TYK2: variants seen among roughly 807,000 people sequenced by gnomAD.
The protein encoded by TYK2 is non-receptor tyrosine-protein kinase TYK2.
A neutral mutation model predicts 130.9 loss-of-function variants in TYK2; 65 were observed. The observed-to-expected ratio is 0.50, with a 90% CI of 0.41 to 0.61. TYK2 has a LOEUF of 0.61. Among genes scored for constraint, TYK2 ranks in the 20% least tolerant of loss-of-function variants. The probability of loss-of-function intolerance (pLI) is 0.00; values close to 1 mark genes in which losing one functional copy is unlikely to be tolerated. For missense variants in TYK2, 1,378 were observed against 1,610.7 expected (o/e 0.86, Z 2.47); for synonymous variants, 647 against 658.9 (o/e 0.98, Z 0.28).
In TYK2 at chr19:10,365,913, A is replaced by G; in HGVS notation, c.630-15T>C. On this transcript the variant is annotated splice_polypyrimidine_tract_variant and intron_variant, in intron 6 of 24. Coordinates refer to ENST00000525621, the MANE Select transcript of TYK2 (RefSeq NM_003331.5). ...AGTCCTTGAAGCTGGGGGGAAACAC[A>G]GTGAGGGGCTGGTCAGGGACCTGGG... The G allele has an allele frequency of 6.3e-7, 1 of 1,596,654 alleles. No homozygotes were observed. The highest frequency in any genetic ancestry group is 2.2e-5 in the East Asian group (1 of 44,520).
chr19:10,366,237 G>A (rs571538599), intron 6 of TYK2, among the ~76,000 whole-genome samples, 180 bp downstream of exon 6: 5 of 152,058 alleles, frequency 3.3e-5, no homozygotes, highest in South Asian at 4.2e-4. Flanking sequence ...AACCTGGGAC[G>A]CAGAGGTTGC....
At chr19:10,368,696 G>T in intron 3 of TYK2, 1 of 442,902 alleles carries the variant, frequency 2.3e-6, no homozygotes, top group Non-Finnish European at 4.2e-6. Context: ...TCCAAGCCTG[G>T]AAATAAATTC....
At chr19:10,379,877 A>G (rs757453544) in intron 1 of TYK2, 98 bp from the exon 2 acceptor site, 2 of 152,312 alleles carry the variant, frequency 1.3e-5, no homozygotes, top group Non-Finnish European at 2.9e-5. Context: ...TCAGGCCACA[A>G]TTCTCCTCTC....
At chr19:10,372,475 TATA>T (rs2041951682) in intron 3 of TYK2, among the ~76,000 whole-genome samples, 1 of 70,304 alleles carries the variant, frequency 1.4e-5, no homozygotes, top group Non-Finnish European at 2.6e-5. Context: ...TATATATATA[TATA>T]TATATATTTT....
chr19:10,375,852 G>A (rs1400576085), intron 3 of TYK2, among the ~76,000 whole-genome samples: 2 of 150,620 alleles, frequency 1.3e-5, no homozygotes, highest in African/African-American at 2.4e-5. Context: ...GCTTGAACCC[G>A]GGAGGCGGAG....
intron 19 of TYK2, 71 bp from the exon 20 acceptor site, chr19:10,354,305 C>G (rs2040971640): frequency 6.4e-7 from 1 of 1,560,372 alleles, no homozygotes; most frequent in Non-Finnish European, 8.7e-7. Flanking sequence ...CCCGATTTCC[C>G]GGGCCACTCC....
chr19:10,370,788 G>T (rs2145297939), intron 3 of TYK2, among the ~76,000 whole-genome samples: 1 of 152,210 alleles, frequency 6.6e-6, no homozygotes, highest in East Asian at 1.9e-4. Flanking sequence ...CTGCGCTCCA[G>T]CCTGGGTGAA....
At chr19:10,352,046 TCTTTC>T (rs925610897) in intron 23 of TYK2, among the ~76,000 whole-genome samples, 2 of 142,566 alleles carry the variant, frequency 1.4e-5, no homozygotes, top group Non-Finnish European at 3.1e-5. Context: ...CCTATGCCTT[TCTTTC>T]CTTTCTTTTC....
At chr19:10,377,942 G>GTGGGTGGA (rs1391318353) in intron 3 of TYK2, among the ~76,000 whole-genome samples, 1 of 104,980 alleles carries the variant, frequency 9.5e-6, no homozygotes, top group Non-Finnish European at 2.0e-5. Flanking sequence ...GGGTGAAAGG[G>GTGGGTGGA]TGGGTGGATG....
chr19:10,367,661 C>G (rs1278745089), intron 5 of TYK2, among the ~76,000 whole-genome samples: 1 of 150,798 alleles, frequency 6.6e-6, no homozygotes, highest in Non-Finnish European at 1.5e-5. Context: ...TGGCTCACGC[C>G]TGTAATCCCA....
Position 10,368,084 on chromosome 19 carries a change from G to A in TYK2, c.436C>T (p.Pro146Ser). 1 of 1,614,134 alleles carries A rather than the reference G, an allele frequency of 6.2e-7. No homozygotes were observed. Residue 146 changes from proline to serine, a missense_variant, in exon 5 of 25, where the codon CCA becomes TCA. Transcript: ENST00000525621. ...QTAQGMQLLD[P>S]ASFEYLFEQG... ...TCAAAGAGGTACTCAAATGAGGCTG[G>A]GTCCAGGAGTTGCATCCCCTGTGCT...
Position 10,368,424 on chromosome 19 carries a change from T to A in TYK2, c.194-6A>T, listed in dbSNP as rs1199166632. ...GAAGCAAGGAGGAGTGATACCTGGA[T>A]CAGGTGAGAAACGAGGTCAGGAGTC... On this transcript the variant is annotated splice_polypyrimidine_tract_variant and splice_region_variant and intron_variant, in intron 3 of 24. Coordinates refer to ENST00000525621, the MANE Select transcript of TYK2 (RefSeq NM_003331.5). 1 of 1,613,846 alleles carries A rather than the reference T, an allele frequency of 6.2e-7. No individual in the cohort carries two copies. The highest frequency in any genetic ancestry group is 8.5e-7 in the Non-Finnish European group (1 of 1,179,974).
At position 10,350,609 on chromosome 19, in the gene TYK2, G is replaced by A; in HGVS notation, c.*225C>T. 1.8e-6 allele frequency: 1 copy of A among 565,736 alleles called. No homozygotes were observed. Among genetic ancestry groups the A allele is most frequent in the South Asian group, 2.1e-5 (1 of 46,982 alleles). 35.0% of individuals were successfully genotyped at this position (565,736 alleles called of 1,614,324 possible). A position where few individuals can be genotyped will look rare whatever the true frequency, so the allele number is the denominator to read the frequency against. On this transcript the variant is annotated 3_prime_UTR_variant, in exon 25 of 25. Transcript: ENST00000525621. ...TTGGAAGCTGGGGGATTTAAGGGCT[G>A]GATTAGTGCCCCTACAAATGTTGGG...
Position 10,361,845 on chromosome 19 carries a change from C to A in TYK2, c.1884G>T (p.Val628=). ...GCTCCTGCCCACGGTCCCTGCCAGG[C>A]ACGAGGGGGTCCTCGTCATCCATCT... is the stretch of plus-strand genomic sequence containing the variant. ...EGKMDDEDPL[V]PGRDRGQELR... is the part of the protein sequence containing the mutation. Residue 628 remains valine (V), a synonymous_variant, in exon 13 of 25, where the codon GTG becomes GTT. Coordinates refer to ENST00000525621, the MANE Select transcript of TYK2 (RefSeq NM_003331.5). This position sits in a 1 kb window ranked among gnomAD's most constrained non-coding sequence, Gnocchi z 4.0. The A allele has an allele frequency of 6.2e-7, 1 of 1,614,078 alleles. No homozygotes were observed. The highest frequency in any genetic ancestry group is 8.5e-7 in the Non-Finnish European group (1 of 1,179,988).
chr19:10,361,453 T>G lies in TYK2; in HGVS notation c.2047+58A>C. The G allele has an allele frequency of 7.5e-7, 1 of 1,341,894 alleles. No individual in the cohort carries two copies. Among genetic ancestry groups the G allele is most frequent in the Non-Finnish European group, 9.8e-7 (1 of 1,025,262 alleles). 83.1% of individuals were successfully genotyped at this position (1,341,894 alleles called of 1,614,324 possible). On this transcript the variant is annotated intron_variant, in intron 14 of 24. Coordinates refer to ENST00000525621, the MANE Select transcript of TYK2 (RefSeq NM_003331.5). The surrounding 1 kb of genome is among the most constrained non-coding windows in gnomAD (Gnocchi z 4.0). Reference sequence around the variant, plus strand: ...GAGGGTTGGGGTACAGATCAGGGAGTGGGTATAAGTCAGGGGTGGCCTGCC... The same window carrying G: ...GAGGGTTGGGGTACAGATCAGGGAGGGGGTATAAGTCAGGGGTGGCCTGCC...
Position 10,366,457 on chromosome 19 carries a change from G to C in TYK2, c.589C>G (p.Arg197Gly), listed in dbSNP as rs376427383. Reference protein sequence around the residue: ...AFLHLCHLALRHGIPLEEVAK... With the variant: ...AFLHLCHLALGHGIPLEEVAK... ...ACCTCCTCCAGGGGGATGCCATGGC[G>C]GAGAGCGAGGTGACAGAGGTGCAGA... The change falls in exon 6 of 25, where the codon CGC becomes GGC. Residue 197 changes from arginine to glycine, a missense_variant. Arg to Gly is a moderately radical substitution (Grantham distance 125). Coordinates refer to ENST00000525621, the MANE Select transcript of TYK2 (RefSeq NM_003331.5). 6.2e-7 allele frequency: 1 copy of C among 1,614,100 alleles called. No individual in the cohort carries two copies. The highest frequency in any genetic ancestry group is 1.7e-5 in the Admixed American group (1 of 60,000).
At position 10,357,744 on chromosome 19, in the gene TYK2, C is replaced by T; in HGVS notation, c.2466+20G>A. ...AGGGGCCCCCACTGCGGGGAGGGCCCAAGGGTCTCCTAGACATACCTCGGA... is the reference window on the plus strand; with the variant it reads ...AGGGGCCCCCACTGCGGGGAGGGCCTAAGGGTCTCCTAGACATACCTCGGA... On this transcript the variant is annotated intron_variant, in intron 17 of 24. Transcript: ENST00000525621. The T allele has an allele frequency of 6.3e-7, 1 of 1,591,818 alleles. No individual in the cohort carries two copies. The highest frequency in any genetic ancestry group is 1.1e-5 in the South Asian group (1 of 88,438).
Position 10,356,510 on chromosome 19 carries a change from G to T in TYK2, c.2617+58C>A, listed in dbSNP as rs888361839. On this transcript the variant is annotated intron_variant, in intron 18 of 24. Coordinates refer to ENST00000525621, the MANE Select transcript of TYK2 (RefSeq NM_003331.5). ...ACCTCTCGTGCGCTATAGGCATACAGCAGGGATCCCAGCCCCGTCCCACTT... is the reference window on the plus strand; with the variant it reads ...ACCTCTCGTGCGCTATAGGCATACATCAGGGATCCCAGCCCCGTCCCACTT... 3 of 1,604,074 alleles carry T rather than the reference G, an allele frequency of 1.9e-6. No individual in the cohort carries two copies. In the African/African-American group the frequency reaches 4.0e-5, roughly 21 times the overall value.
At chr19:10,356,870 G>T in intron 17 of TYK2, 152 bp from the exon 18 acceptor site, 1 of 775,620 alleles carries the variant, frequency 1.3e-6, no homozygotes, top group Non-Finnish European at 2.1e-6. Flanking sequence ...TCCACAAAGT[G>T]GGAGGACGTG....
Sources: gnomAD v4.1 joint callset for allele counts (sites outside exome capture counted in the v4.1 genomes callset) on GRCh38, gnomAD v4.1.1 for gene constraint, Gnocchi (gnomAD v3.1) non-coding constraint, MANE v1.5 for transcripts, NCBI Gene and HGNC (gene_info 2026-07-23, HGNC 2026-07-21) for gene names.